Variants in ERBB4 observed in about 807,000 individuals in gnomAD.
ERBB4 encodes the protein erb-b2 receptor tyrosine kinase 4.
In ERBB4, 42 loss-of-function variants were observed where a neutral mutation model predicts 158.0. That is an observed-to-expected ratio of 0.27 (90% confidence interval 0.21 to 0.34). ERBB4 has a LOEUF of 0.34. Ranked by LOEUF, ERBB4 falls within the 10% of genes least tolerant of loss-of-function variation. The probability of loss-of-function intolerance (pLI) is 1.00; values close to 1 mark genes in which losing one functional copy is unlikely to be tolerated. For missense variants in ERBB4, 1,333 were observed against 1,624.1 expected (o/e 0.82, Z 3.08); for synonymous variants, 583 against 558.7 (o/e 1.04, Z -0.61).
At chr2:211,469,168 C>T (rs1477265022) in intron 20 of ERBB4, among the ~76,000 whole-genome samples, 5 of 152,112 alleles carry the variant, frequency 3.3e-5, no homozygotes, top group African/African-American at 4.8e-5. Flanking sequence ...TCATGCTTCA[C>T]CTTCCTGTCC....
rs1302963563 is a variant in ERBB4, at chr2:211,380,676, C to CAATT, written c.*2935_*2938dup. 1 of 231,748 alleles carries CAATT rather than the reference C, an allele frequency of 4.3e-6. No individual in the cohort carries two copies. The highest frequency in any genetic ancestry group is 8.5e-6 in the Non-Finnish European group (1 of 117,280). 14.4% of individuals were successfully genotyped at this position (231,748 alleles called of 1,614,324 possible). A position where few individuals can be genotyped will look rare whatever the true frequency, so the allele number is the denominator to read the frequency against. On this transcript the variant is annotated 3_prime_UTR_variant, in exon 28 of 28. Transcript: ENST00000342788. ...CAAAAAACACTCAAACAACTGAAGT[C>CAATT]AATTATATACTACAGAAATCATTCA...
intron 1 of ERBB4, among the ~76,000 whole-genome samples, chr2:212,194,647 T>C (rs1291806130): frequency 6.6e-6 from 1 of 152,044 alleles, no homozygotes; most frequent in Non-Finnish European, 1.5e-5. Flanking sequence ...ATCTAATTGT[T>C]AAATGTGGCT....
At chr2:212,211,410 A>G (rs1425479145) in intron 1 of ERBB4, among the ~76,000 whole-genome samples, 1 of 152,126 alleles carries the variant, frequency 6.6e-6, no homozygotes, top group African/African-American at 2.4e-5. Context: ...GTTGCAATTA[A>G]TATCAGCCTT....
rs143774256 is a variant in ERBB4 at position 211,838,436 on chromosome 2, A to G, written c.422-50277T>C. Among the ~76,000 whole-genome samples the G allele has an allele frequency of 1.1e-3, 173 of 152,256 alleles. 1 individual carries two copies. Among genetic ancestry groups the G allele is most frequent in the African/African-American group, 3.8e-3 (157 of 41,574 alleles). ...TACAGCTTTACCTTTAAAATGCAGAATATTTTCCACTTATTACTTAGTTTA... is the reference window on the plus strand; with the variant it reads ...TACAGCTTTACCTTTAAAATGCAGAGTATTTTCCACTTATTACTTAGTTTA... On this transcript the variant is annotated intron_variant, in intron 3 of 27. Coordinates refer to ENST00000342788, the MANE Select transcript of ERBB4 (RefSeq NM_005235.3).
At chr2:211,815,688 C>T (rs559320915) in intron 3 of ERBB4, among the ~76,000 whole-genome samples, 18 of 152,284 alleles carry the variant, frequency 1.2e-4, no homozygotes, top group Admixed American at 7.8e-4. Flanking sequence ...GCCAATGAAG[C>T]ATTGTTCTTG....
chr2:211,406,726 G>GTAGA (rs2063155899), intron 25 of ERBB4, among the ~76,000 whole-genome samples: 1 of 151,960 alleles, frequency 6.6e-6, no homozygotes, highest in African/African-American at 2.4e-5. Flanking sequence ...ATAGTTAGTA[G>GTAGA]TAGATAGATA....
chr2:212,303,707 C>A (rs2086704989), intron 1 of ERBB4, among the ~76,000 whole-genome samples: 1 of 151,450 alleles, frequency 6.6e-6, no homozygotes, highest in Non-Finnish European at 1.5e-5. Context: ...TGATCAAGAA[C>A]TCAGAATTGA....
chr2:212,461,135 C>A (rs998502869), intron 1 of ERBB4, among the ~76,000 whole-genome samples: 2 of 152,194 alleles, frequency 1.3e-5, no homozygotes, highest in Non-Finnish European at 2.9e-5. Flanking sequence ...GGGAACCCCC[C>A]CTCCACAGAG....
At position 212,538,591 on chromosome 2, in the gene ERBB4, C is replaced by G; in HGVS notation, c.-61G>C. On this transcript the variant is annotated 5_prime_UTR_variant, in exon 1 of 28. Coordinates refer to ENST00000342788, the MANE Select transcript of ERBB4 (RefSeq NM_005235.3). ...ATGTCCAAATGGCATATCCCCCTTTCGGGCACGCGGAGGAGATCCCCCAGC... is the reference window on the plus strand; with the variant it reads ...ATGTCCAAATGGCATATCCCCCTTTGGGGCACGCGGAGGAGATCCCCCAGC... 2 of 1,520,388 alleles carry G rather than the reference C, an allele frequency of 1.3e-6. No individual in the cohort carries two copies. The allele number at this position is 1,520,388 out of a possible 1,614,324, so 94.2% of individuals were successfully genotyped here.
At chr2:212,127,587 A>G (rs1559550305) in intron 1 of ERBB4, among the ~76,000 whole-genome samples, 3 of 152,270 alleles carry the variant, frequency 2.0e-5, no homozygotes, top group South Asian at 4.1e-4. Context: ...GCGAGACTCC[A>G]TCTCATAAAT....
chr2:212,139,940 T>C (rs2080395620), intron 1 of ERBB4, among the ~76,000 whole-genome samples: 1 of 151,890 alleles, frequency 6.6e-6, no homozygotes, highest in South Asian at 2.1e-4. Flanking sequence ...TCTTTTTTAT[T>C]ATAGAATTCA....
chr2:212,193,230 T>C (rs540645575), intron 1 of ERBB4, among the ~76,000 whole-genome samples: 52 of 152,282 alleles, frequency 3.4e-4, no homozygotes, highest in Non-Finnish European at 5.7e-4. Flanking sequence ...TTGTCCATTA[T>C]GTGAATAAGC....
intron 1 of ERBB4, among the ~76,000 whole-genome samples, chr2:212,453,381 C>A (rs1688104184): frequency 6.6e-6 from 1 of 152,072 alleles, no homozygotes; most frequent in Admixed American, 6.5e-5. Context: ...TGGAGATATT[C>A]AAGAATGCAC....
At chr2:212,448,011 T>C (rs1176591179) in intron 1 of ERBB4, among the ~76,000 whole-genome samples, 2 of 152,148 alleles carry the variant, frequency 1.3e-5, no homozygotes, top group Non-Finnish European at 2.9e-5. Flanking sequence ...TAGAATGTCA[T>C]GTTAACCTGT....
Position 212,267,748 on chromosome 2 carries a change from C to T in ERBB4, c.83-142845G>A, listed in dbSNP as rs371722038. On this transcript the variant is annotated intron_variant, in intron 1 of 27. Transcript: ENST00000342788. The stretch of plus-strand genomic sequence containing the variant: ...GTATCTCCTAATGCTATCCCTCCCC[C>T]CTTCCCCCACCCCACAACAGGCCCC... 5.0e-4 allele frequency among the ~76,000 whole-genome samples: 76 copies of T among 151,518 alleles called. No individual in the cohort carries two copies. The East Asian group carries it at 0.012, about 24-fold the overall frequency.
chr2:211,920,711 C>CT (rs59291331), intron 3 of ERBB4, among the ~76,000 whole-genome samples: 1,590 of 141,762 alleles, frequency 0.011, 12 homozygotes, highest in South Asian at 0.033. Context: ...AGAGCTGTGA[C>CT]TTTTTTTTTT....
At chr2:212,023,828 C>A (rs1440532832) in intron 2 of ERBB4, among the ~76,000 whole-genome samples, 1 of 151,704 alleles carries the variant, frequency 6.6e-6, no homozygotes, top group East Asian at 1.9e-4. Flanking sequence ...AGGAAACGTA[C>A]CTTTTGAACA....
chr2:211,826,285 A>G (rs1405250594), intron 3 of ERBB4, among the ~76,000 whole-genome samples: 1 of 151,840 alleles, frequency 6.6e-6, no homozygotes, highest in Non-Finnish European at 1.5e-5. Context: ...TGCCTGCTAT[A>G]TTTCAGGCAC....
rs527932988 is a variant in ERBB4 at position 212,023,184 on chromosome 2, GC to G, written c.235-75569del. Among the ~76,000 whole-genome samples the G allele has an allele frequency of 2.1e-4, 32 of 152,102 alleles. 1 individual carries two copies. In the South Asian group the frequency reaches 6.4e-3, roughly 31 times the overall value. ...GGACATGAGCCATTATACAACTCAA[GC>G]TTTTATGCTTATCTGATGAGTTATA... On this transcript the variant is annotated intron_variant, in intron 2 of 27. Coordinates refer to ENST00000342788, the MANE Select transcript of ERBB4 (RefSeq NM_005235.3).
Sources: gnomAD v4.1 joint callset for allele counts (sites outside exome capture counted in the v4.1 genomes callset) on GRCh38, gnomAD v4.1.1 for gene constraint, MANE v1.5 for transcripts, NCBI Gene and HGNC (gene_info 2026-07-23, HGNC 2026-07-21) for gene names.